The following KIAA1217 variants were observed in gnomAD, a reference collection of about 807,000 sequenced individuals.
KIAA1217 encodes the protein sickle tail protein homolog.
In KIAA1217, 88 loss-of-function variants were observed where a neutral mutation model predicts 163.9. That is an observed-to-expected ratio of 0.54 (90% CI 0.45 to 0.64). The LOEUF is 0.64. KIAA1217 is among the 30% of genes least tolerant of loss of function. The pLI is 0.00. For missense variants in KIAA1217, 2,372 were observed against 2,475.0 expected, an observed-to-expected ratio of 0.96 and a Z score of 0.88; for synonymous variants, 903 against 923.1, an observed-to-expected ratio of 0.98 and a Z score of 0.39.
intron 2 of KIAA1217, among the ~76,000 whole-genome samples, chr10:24,062,050 T>A (rs1407460940): frequency 6.6e-6 from 1 of 152,120 alleles, no homozygotes; most frequent in African/African-American, 2.4e-5. Flanking sequence ...TTCAGATGAC[T>A]TGGCTTTGAC....
intron 2 of KIAA1217, among the ~76,000 whole-genome samples, chr10:24,340,520 G>A (rs1386868520): frequency 6.6e-6 from 1 of 152,104 alleles, no homozygotes. Context: ...ACCCAGTCTT[G>A]GTATGTCTTT....
intron 1 of KIAA1217, among the ~76,000 whole-genome samples, chr10:23,761,543 T>C (rs1834260507): frequency 6.6e-6 from 1 of 152,206 alleles, no homozygotes; most frequent in Non-Finnish European, 1.5e-5. Context: ...TTGTTCAATT[T>C]CCATGTAATT....
chr10:24,133,582 A>G (rs1290248253), intron 2 of KIAA1217, among the ~76,000 whole-genome samples: 1 of 152,066 alleles, frequency 6.6e-6, no homozygotes, highest in East Asian at 1.9e-4. Context: ...AAAAAAAAAA[A>G]AAAAAATGTC....
intron 8 of KIAA1217, among the ~76,000 whole-genome samples, chr10:24,500,952 C>T (rs1355950907): frequency 6.6e-6 from 1 of 151,910 alleles, no homozygotes; most frequent in South Asian, 2.1e-4. Context: ...AAACAAAAAA[C>T]CTTATATTGG....
At chr10:23,774,796 T>C (rs1391365548) in intron 1 of KIAA1217, among the ~76,000 whole-genome samples, 4 of 152,222 alleles carry the variant, frequency 2.6e-5, no homozygotes, top group African/African-American at 7.2e-5. Context: ...GTCCAAGAAG[T>C]CTAAAGTCAT....
Position 23,721,387 on chromosome 10 carries a change from C to T in KIAA1217, c.-321+26153C>T, listed in dbSNP as rs554709259. On this transcript the variant is annotated intron_variant, in intron 1 of 18. Coordinates refer to the KIAA1217 transcript ENST00000376462. ...ACCTGACTGACTCTGATGGACCCCACGCATTGCACAGTGTATGGGTAAAAT... is the reference window on the plus strand; with the variant it reads ...ACCTGACTGACTCTGATGGACCCCATGCATTGCACAGTGTATGGGTAAAAT... 3.3e-5 allele frequency among the ~76,000 whole-genome samples: 5 copies of T among 152,268 alleles called. No individual in the cohort carries two copies. In the South Asian group the frequency reaches 6.2e-4, roughly 19 times the overall value.
At chr10:24,140,219 G>A (rs1183891999) in intron 2 of KIAA1217, among the ~76,000 whole-genome samples, 1 of 151,960 alleles carries the variant, frequency 6.6e-6, no homozygotes. Flanking sequence ...AATTAGCTGG[G>A]CAAGGTGGCA....
At chr10:23,817,255 G>A (rs1355752821) in intron 1 of KIAA1217, among the ~76,000 whole-genome samples, 6 of 152,204 alleles carry the variant, frequency 3.9e-5, no homozygotes, top group Non-Finnish European at 5.9e-5. Flanking sequence ...AGTTGCGACA[G>A]TAGGATAAGA....
chr10:24,044,027 G>C (rs1848810761), intron 2 of KIAA1217, among the ~76,000 whole-genome samples: 1 of 151,996 alleles, frequency 6.6e-6, no homozygotes, highest in Non-Finnish European at 1.5e-5. Flanking sequence ...AATGAGTTGG[G>C]GGATTTTTTG....
chr10:24,394,785 C>T (rs1280365189), intron 3 of KIAA1217, among the ~76,000 whole-genome samples: 1 of 152,200 alleles, frequency 6.6e-6, no homozygotes, highest in Non-Finnish European at 1.5e-5. Context: ...ATCTAGACCT[C>T]TGCCCATCAG....
chr10:24,237,550 A>G (rs370494088), intron 2 of KIAA1217, among the ~76,000 whole-genome samples: 1 of 152,248 alleles, frequency 6.6e-6, no homozygotes, highest in Non-Finnish European at 1.5e-5. Context: ...AAGATCTGGC[A>G]TAATTTATAA....
At chr10:24,191,714 T>C (rs1257040912) in intron 2 of KIAA1217, among the ~76,000 whole-genome samples, 1 of 152,218 alleles carries the variant, frequency 6.6e-6, no homozygotes, top group Non-Finnish European at 1.5e-5. Context: ...GGTTGAGGCA[T>C]GTGTAACAAA....
chr10:23,797,888 G>T (rs1384127072), intron 1 of KIAA1217, among the ~76,000 whole-genome samples: 2 of 152,122 alleles, frequency 1.3e-5, no homozygotes, highest in Non-Finnish European at 2.9e-5. Flanking sequence ...AAGAACATCT[G>T]AACTTTCTAC....
At chr10:23,715,690 T>C (rs938895160) in intron 1 of KIAA1217, among the ~76,000 whole-genome samples, 20 of 152,150 alleles carry the variant, frequency 1.3e-4, no homozygotes, top group Non-Finnish European at 2.8e-4. Context: ...AAATGATAGA[T>C]TTGTTTTCTC....
In KIAA1217 at chr10:24,168,360, G is replaced by A. The variant is rs11812782; in HGVS notation, c.-170-51266G>A. Among the ~76,000 whole-genome samples the A allele has an allele frequency of 1.1e-3, 171 of 152,272 alleles. 1 individual carries two copies. The highest frequency in any genetic ancestry group is 4.0e-3 in the African/African-American group (167 of 41,538). ...TCCATGAAAGTAGTAACTTGTCTAA[G>A]CATGCACAATTAGAAAACAGATGAA... On this transcript the variant is annotated intron_variant, in intron 2 of 18. Transcript: ENST00000376462.
chr10:24,181,883 T>TC (rs2066186359), intron 2 of KIAA1217, among the ~76,000 whole-genome samples: 1 of 152,190 alleles, frequency 6.6e-6, no homozygotes, highest in African/African-American at 2.4e-5. Context: ...AAAGTTCAGT[T>TC]CCGGGTACAC....
At chr10:24,357,016 G>A (rs553295301) in intron 2 of KIAA1217, among the ~76,000 whole-genome samples, 3 of 152,172 alleles carry the variant, frequency 2.0e-5, no homozygotes, top group Non-Finnish European at 1.5e-5. Context: ...TTGAGGCAGG[G>A]CCTGGGCTAA....
At chr10:24,301,793 C>T (rs2041375927) in intron 2 of KIAA1217, among the ~76,000 whole-genome samples, 1 of 152,086 alleles carries the variant, frequency 6.6e-6, no homozygotes, top group South Asian at 2.1e-4. Flanking sequence ...GCCTAAAATC[C>T]CAGCACTTTG....
intron 2 of KIAA1217, among the ~76,000 whole-genome samples, chr10:24,237,912 A>G (rs1390082716): frequency 1.3e-5 from 2 of 152,230 alleles, no homozygotes; most frequent in South Asian, 2.1e-4. Flanking sequence ...AACTACGGCA[A>G]TGCAACGCTT....
Sources: allele counts gnomAD v4.1 joint callset (sites outside exome capture counted in the v4.1 genomes callset), GRCh38; gene constraint gnomAD v4.1.1; transcripts MANE v1.5; gene names NCBI Gene and HGNC (gene_info 2026-07-23, HGNC 2026-07-21).